The following SPTBN2 variants were observed in gnomAD, a reference collection of about 807,000 sequenced individuals.
SPTBN2 encodes spectrin beta chain, non-erythrocytic 2.
A neutral mutation model predicts 284.2 loss-of-function variants in SPTBN2; 107 were observed. The ratio of observed to expected loss-of-function variants is 0.38; its 90% confidence interval spans 0.32 to 0.44. The LOEUF (loss-of-function observed/expected upper bound fraction) is 0.44. Ranked by LOEUF, SPTBN2 falls within the 20% of genes least tolerant of loss-of-function variation. The probability of loss-of-function intolerance (pLI) is 1.00; values close to 1 mark genes in which losing one functional copy is unlikely to be tolerated. For missense variants in SPTBN2, 2,569 were observed against 3,287.1 expected, an observed-to-expected ratio of 0.78 and a Z score of 5.34; for synonymous variants, 1,289 against 1,354.8, an observed-to-expected ratio of 0.95 and a Z score of 1.07.
upstream of SPTBN2, among the ~76,000 whole-genome samples, chr11:66,729,518 T>A (rs1306379910): frequency 7.2e-5 from 11 of 152,216 alleles, no homozygotes; most frequent in Admixed American, 7.2e-4. Flanking sequence ...AATAGATTTA[T>A]GGGTAATTTA....
chr11:66,687,162 C>CAGG lies in SPTBN2; in HGVS notation c.6725_6727dup (p.Ser2242dup). Reference sequence around the variant, plus strand: ...CCGCAGGACACAGTACACGTTCTGCCAGGACCTGCGAGGGACGCGGTGCTG... The same window carrying CAGG: ...CCGCAGGACACAGTACACGTTCTGCCAGGAGGACCTGCGAGGGACGCGGTGCTG... On this transcript the variant is annotated inframe_insertion, in exon 36 of 38. Transcript: ENST00000533211. The surrounding 1 kb of genome is among the most constrained non-coding windows in gnomAD (Gnocchi z 5.2). The CAGG allele has an allele frequency of 6.2e-7, 1 of 1,613,920 alleles. No homozygotes were observed. The highest frequency in any genetic ancestry group is 8.5e-7 in the Non-Finnish European group (1 of 1,180,030).
Position 66,686,071 on chromosome 11 carries a change from C to CA in SPTBN2, c.6972dup (p.Ala2325CysfsTer14). The CA allele has an allele frequency of 6.2e-7, 1 of 1,613,762 alleles. No homozygotes were observed. Among genetic ancestry groups the CA allele is most frequent in the Non-Finnish European group, 8.5e-7 (1 of 1,179,944 alleles). On this transcript the variant is annotated frameshift_variant, in exon 38 of 38. Transcript: ENST00000533211. LOFTEE classifies it high-confidence loss of function. ...GCAGAAGACGCTGTGGCAATGGCTGCATTCACCACCCGTAGCCACGAGCTC... is the reference window on the plus strand; with the variant it reads ...GCAGAAGACGCTGTGGCAATGGCTGCAATTCACCACCCGTAGCCACGAGCTC...
Position 66,698,745 on chromosome 11 carries a change from T to A in SPTBN2, c.3908A>T (p.Asp1303Val). ...GTTGCGGGCCTCGTCATAGGACACGTCCTGGGCTGTCAGCATCTTCTCGTC... is the reference window on the plus strand; with the variant it reads ...GTTGCGGGCCTCGTCATAGGACACGACCTGGGCTGTCAGCATCTTCTCGTC... The part of the protein sequence containing the change: ...WIDEKMLTAQ[D>V]VSYDEARNLH... Residue 1303 changes from aspartate to valine, a missense_variant, in exon 20 of 38, where the codon GAC becomes GTC. Asp to Val is a radical substitution (Grantham distance 152). This residue lies in a region of SPTBN2 where 24 missense variants were observed against 58.1 expected (regional missense o/e 0.41). Coordinates refer to ENST00000533211, the MANE Select transcript of SPTBN2 (RefSeq NM_006946.4). 6.2e-7 allele frequency: 1 copy of A among 1,614,178 alleles called. No homozygotes were observed. The highest frequency in any genetic ancestry group is 2.2e-5 in the East Asian group (1 of 44,884).
rs1282884097 is a variant in SPTBN2, at chr11:66,708,315, A to G, written c.1192-16T>C. ...GCTCCCAAGCCTATGGGGTGGGGAC[A>G]GGGTTAGTGGAAGGGACAGGGTGGG... On this transcript the variant is annotated splice_polypyrimidine_tract_variant and intron_variant, in intron 11 of 37. Coordinates refer to ENST00000533211, the MANE Select transcript of SPTBN2 (RefSeq NM_006946.4). This position sits in a 1 kb window ranked among gnomAD's most constrained non-coding sequence, Gnocchi z 4.4. The G allele has an allele frequency of 2.6e-6, 4 of 1,556,958 alleles. No individual in the cohort carries two copies. Among genetic ancestry groups the G allele is most frequent in the East Asian group, 2.3e-5 (1 of 42,864 alleles).
In SPTBN2 at chr11:66,686,435, T is replaced by G; in HGVS notation, c.6902A>C (p.Gln2301Pro). The G allele has an allele frequency of 6.8e-6, 11 of 1,613,990 alleles. No homozygotes were observed. The highest frequency in any genetic ancestry group is 9.3e-6 in the Non-Finnish European group (11 of 1,179,888). Reference sequence around the variant, plus strand: ...CTGGAATAAATATTCTTTTCCATCCTGTAAGCTGTTGGGAGAGAGAGGCCA... The same window carrying G: ...CTGGAATAAATATTCTTTTCCATCCGGTAAGCTGTTGGGAGAGAGAGGCCA... The part of the protein sequence containing the change: ...KRKHVFKLGL[Q>P]DGKEYLFQAK... Residue 2301 changes from glutamine (Q) to proline (P), a missense_variant, in exon 37 of 38, where the codon CAG (glutamine) becomes CCG (proline). This residue lies in a region of SPTBN2 where 1,130 missense variants were observed against 1,317.3 expected (regional missense o/e 0.86). Transcript: ENST00000533211.
chr11:66,709,070 A>G (rs1429786537), intron 10 of SPTBN2, 51 bp from the exon 11 acceptor site: 1 of 1,477,846 alleles, frequency 6.8e-7, no homozygotes. Context: ...CGAGGGTCAC[A>G]AGGACTCTTT....
At position 66,687,988 on chromosome 11, in the gene SPTBN2, G is replaced by T. The variant is rs1345212450; in HGVS notation, c.6450+16C>A. 1.9e-6 allele frequency: 3 copies of T among 1,614,180 alleles called. No individual in the cohort carries two copies. The South Asian group carries it at 3.3e-5, about 18-fold the overall frequency. On this transcript the variant is annotated intron_variant, in intron 33 of 37. Transcript: ENST00000533211. The surrounding 1 kb of genome is among the most constrained non-coding windows in gnomAD (Gnocchi z 5.2). ...GCTACGACTCCGATGGGGGCACAGA[G>T]GGACAGTGGGGTCACCTGTGAGGGC...
rs563276720 is a variant in SPTBN2, at chr11:66,708,552, G to T, written c.1192-253C>A. On this transcript the variant is annotated intron_variant, in intron 11 of 37. Transcript: ENST00000533211. The surrounding 1 kb of genome is among the most constrained non-coding windows in gnomAD (Gnocchi z 4.4). ...GATTCCTTTGTGTTGGCAGGACTGTGTGCGAACCTTATTTTTACTTTTAGT... is the reference window on the plus strand; with the variant it reads ...GATTCCTTTGTGTTGGCAGGACTGTTTGCGAACCTTATTTTTACTTTTAGT... 6.6e-6 allele frequency among the ~76,000 whole-genome samples: 1 copy of T among 152,358 alleles called. No individual in the cohort carries two copies. Among genetic ancestry groups the T allele is most frequent in the South Asian group, 2.1e-4 (1 of 4,832 alleles).
In SPTBN2 at chr11:66,690,113, G is replaced by C. The variant is rs202247290; in HGVS notation, c.5736C>G (p.Phe1912Leu). 50 of 1,614,276 alleles carry C rather than the reference G, an allele frequency of 3.1e-5. 1 individual carries two copies. The Admixed American group carries it at 5.3e-4, about 17-fold the overall frequency. Residue 1912 changes from phenylalanine to leucine, a missense_variant, in exon 28 of 38, where the codon TTC becomes TTG. Around this residue, in one of 6 missense-constraint regions of SPTBN2, gnomAD observed 1,130 missense variants for 1,317.3 expected, o/e 0.86. Transcript: ENST00000533211. ...GCATCAGTTCCCGGACAGCCTTGAA[G>C]AAGCGGAACTTGTCTGTGGTGTCCA... The part of the protein sequence containing the change: ...LLLDTTDKFR[F>L]FKAVRELMLW...
At chr11:66,698,275 G>A (rs1201133785) in intron 20 of SPTBN2, among the ~76,000 whole-genome samples, 1 of 152,244 alleles carries the variant, frequency 6.6e-6, no homozygotes, top group African/African-American at 2.4e-5. Context: ...AGTTGTAGTA[G>A]AAACTGTTTG....
chr11:66,734,307 A>G (rs542647401), intron 1 of SPTBN2, among the ~76,000 whole-genome samples: 19 of 152,228 alleles, frequency 1.2e-4, no homozygotes, highest in Admixed American at 3.9e-4. Context: ...TCTTTAATAC[A>G]TCAGACAGAT....
rs781697753 is a variant in SPTBN2, at chr11:66,715,423, C to T, written c.310-28G>A. 46 of 1,597,556 alleles carry T rather than the reference C, an allele frequency of 2.9e-5. No individual in the cohort carries two copies. Among genetic ancestry groups the T allele is most frequent in the Middle Eastern group, 1.7e-4 (1 of 5,818 alleles). ...GTGGAGGGACGGGGGCAAAATGGCA[C>T]GGGACTGTGGGCTTCCACCTTCTTC... is the stretch of plus-strand genomic sequence containing the variant. On this transcript the variant is annotated intron_variant, in intron 4 of 37. Coordinates refer to ENST00000533211, the MANE Select transcript of SPTBN2 (RefSeq NM_006946.4). This position sits in a 1 kb window ranked among gnomAD's most constrained non-coding sequence, Gnocchi z 5.3.
intron 3 of SPTBN2, among the ~76,000 whole-genome samples, chr11:66,716,540 T>C (rs1406221938): frequency 6.6e-6 from 1 of 151,806 alleles, no homozygotes; most frequent in African/African-American, 2.4e-5. Context: ...GATGAAGACC[T>C]TTCATCCTCA....
Position 66,691,780 on chromosome 11 carries a change from G to T in SPTBN2, c.5191-122C>A. 1 of 1,441,108 alleles carries T rather than the reference G, an allele frequency of 6.9e-7. No individual in the cohort carries two copies. The highest frequency in any genetic ancestry group is 1.2e-5 in the South Asian group (1 of 83,962). 89.3% of individuals were successfully genotyped at this position (1,441,108 alleles called of 1,614,324 possible). On this transcript the variant is annotated intron_variant, in intron 26 of 37. Coordinates refer to ENST00000533211, the MANE Select transcript of SPTBN2 (RefSeq NM_006946.4). This position sits in a 1 kb window ranked among gnomAD's most constrained non-coding sequence, Gnocchi z 8.0. Reference sequence around the variant, plus strand: ...CCTCTCCCCGCTGCATGGGGGCCGGGACAGGTTTCTTCCCTGTGGTTAAGG... The same window carrying T: ...CCTCTCCCCGCTGCATGGGGGCCGGTACAGGTTTCTTCCCTGTGGTTAAGG...
At position 66,694,378 on chromosome 11, in the gene SPTBN2, G is replaced by T. The variant is rs1275167374; in HGVS notation, c.4279-15C>A. Reference sequence around the variant, plus strand: ...CATTCCAGCATCTGCAAACCGCCAGGAGGAAGGACATGTTAGCTCTGCATT... The same window carrying T: ...CATTCCAGCATCTGCAAACCGCCAGTAGGAAGGACATGTTAGCTCTGCATT... On this transcript the variant is annotated splice_polypyrimidine_tract_variant and intron_variant, in intron 21 of 37. Coordinates refer to ENST00000533211, the MANE Select transcript of SPTBN2 (RefSeq NM_006946.4). 1 of 1,612,998 alleles carries T rather than the reference G, an allele frequency of 6.2e-7. No individual in the cohort carries two copies. The highest frequency in any genetic ancestry group is 8.5e-7 in the Non-Finnish European group (1 of 1,179,378).
In SPTBN2 at chr11:66,691,796, G is replaced by T; in HGVS notation, c.5191-138C>A. On this transcript the variant is annotated intron_variant, in intron 26 of 37. Transcript: ENST00000533211. This position sits in a 1 kb window ranked among gnomAD's most constrained non-coding sequence, Gnocchi z 8.0. ...GGGGGCCGGGACAGGTTTCTTCCCTGTGGTTAAGGAGTAGGTGCAGCTGCT... is the reference window on the plus strand; with the variant it reads ...GGGGGCCGGGACAGGTTTCTTCCCTTTGGTTAAGGAGTAGGTGCAGCTGCT... 1 of 1,299,308 alleles carries T rather than the reference G, an allele frequency of 7.7e-7. No individual in the cohort carries two copies. The highest frequency in any genetic ancestry group is 1.9e-5 in the Admixed American group (1 of 51,576). 80.5% of individuals were successfully genotyped at this position (1,299,308 alleles called of 1,614,324 possible). A position where few individuals can be genotyped will look rare whatever the true frequency, so the allele number is the denominator to read the frequency against.
At chr11:66,733,852 C>T (rs1327844758), upstream of SPTBN2, among the ~76,000 whole-genome samples, 1 of 152,082 alleles carries the variant, frequency 6.6e-6, no homozygotes, top group Non-Finnish European at 1.5e-5. Flanking sequence ...GTGGCAGGCG[C>T]CTGTAGTCCC....
At chr11:66,704,148 A>G (rs1941396787) in intron 15 of SPTBN2, among the ~76,000 whole-genome samples, 1 of 151,262 alleles carries the variant, frequency 6.6e-6, no homozygotes, top group Admixed American at 6.6e-5. Flanking sequence ...AATTTTTTGT[A>G]TTTTTAGTTG....
intron 18 of SPTBN2, 36 bp downstream of exon 18, chr11:66,699,370 C>CG: frequency 6.2e-7 from 1 of 1,609,498 alleles, no homozygotes; most frequent in South Asian, 1.1e-5. Flanking sequence ...CGATTCCCCC[C>CG]TGGGAACCCT....
Sources: allele counts gnomAD v4.1 joint callset (sites outside exome capture counted in the v4.1 genomes callset), GRCh38; gene constraint gnomAD v4.1.1; regional missense constraint gnomAD v4.1.1; non-coding constraint Gnocchi (gnomAD v3.1); transcripts MANE v1.5; gene names NCBI Gene and HGNC (gene_info 2026-07-23, HGNC 2026-07-21).